AHRR: variants seen among roughly 807,000 people sequenced by gnomAD.
The protein encoded by AHRR is ahR repressor.
AHRR carries 28 observed loss-of-function variants against 44.0 expected under a neutral mutation model. That is an observed-to-expected ratio of 0.64 (90% confidence interval 0.47 to 0.87). The LOEUF is 0.87. AHRR is among the 40% of genes least tolerant of loss of function. The pLI, the probability that AHRR is intolerant of heterozygous loss-of-function variation, is 0.00. For missense variants in AHRR, 990 were observed against 953.9 expected (o/e 1.04, Z -0.50); for synonymous variants, 434 against 407.0 (o/e 1.07, Z -0.80).
intron 3 of AHRR, among the ~76,000 whole-genome samples, chr5:371,124 G>A (rs888098952): frequency 6.6e-6 from 1 of 152,198 alleles, no homozygotes; most frequent in African/African-American, 2.4e-5. Flanking sequence ...GAGATGAGCT[G>A]ATCTGGCTCA....
At chr5:334,536 G>T (rs13181665) in intron 1 of AHRR, among the ~76,000 whole-genome samples, 57,680 of 151,002 alleles carry the variant, frequency 0.38, 12,572 homozygotes, top group South Asian at 0.51. Context: ...TGTATTTCTG[G>T]TTTTTTTTAA....
intron 4 of AHRR, among the ~76,000 whole-genome samples, chr5:397,935 CCT>C (rs1308342904): frequency 7.5e-6 from 1 of 133,788 alleles, no homozygotes; most frequent in Non-Finnish European, 1.6e-5. Flanking sequence ...CCACGTAGCC[CCT>C]GACCATCCAC....
At position 435,775 on chromosome 5, in the gene AHRR, G is replaced by T. The variant is rs755181834; in HGVS notation, c.*941G>T. ...GGCTGTACAGTTCACTCAAATGAGG[G>T]TTCCCATTGCCATCCTAGGAGAATA... On this transcript the variant is annotated 3_prime_UTR_variant, in exon 11 of 11. Coordinates refer to ENST00000684583, the MANE Select transcript of AHRR (RefSeq NM_001377236.1). 3 of 152,702 alleles carry T rather than the reference G, an allele frequency of 2.0e-5. No homozygotes were observed. Among genetic ancestry groups the T allele is most frequent in the South Asian group, 4.1e-4 (2 of 4,822 alleles). 9.5% of individuals were successfully genotyped at this position (152,702 alleles called of 1,614,324 possible).
chr5:416,862 C>T (rs1184940925), intron 5 of AHRR, among the ~76,000 whole-genome samples: 3 of 152,198 alleles, frequency 2.0e-5, no homozygotes, highest in Non-Finnish European at 1.5e-5. Context: ...TCTTTTTGTG[C>T]AGGGCCCATG....
chr5:436,625 G>A lies in AHRR; in HGVS notation c.*1791G>A, dbSNP rs1052240981. 1.3e-5 allele frequency: 2 copies of A among 152,468 alleles called. No individual in the cohort carries two copies. The highest frequency in any genetic ancestry group is 2.4e-5 in the African/African-American group (1 of 41,450). The allele number at this position is 152,468 out of a possible 1,614,324, so 9.4% of individuals were successfully genotyped here. On this transcript the variant is annotated 3_prime_UTR_variant, in exon 11 of 11. Transcript: ENST00000684583. ...CTATGACCCCCAAGCCCTACCGAGGGGGCACTCACTCTCTGCTTAGCCAGG... is the reference window on the plus strand; with the variant it reads ...CTATGACCCCCAAGCCCTACCGAGGAGGCACTCACTCTCTGCTTAGCCAGG...
At chr5:374,513 A>G (rs566040756) in intron 3 of AHRR, among the ~76,000 whole-genome samples, 4 of 152,172 alleles carry the variant, frequency 2.6e-5, no homozygotes, top group Admixed American at 2.0e-4. Context: ...ACCTCGGTGG[A>G]CTGTTCATGC....
At chr5:426,817 G>A (rs998819995) in intron 7 of AHRR, among the ~76,000 whole-genome samples, 7 of 149,186 alleles carry the variant, frequency 4.7e-5, no homozygotes, top group African/African-American at 1.5e-4. Flanking sequence ...TGGATAGATG[G>A]GAATATGATG....
At chr5:328,806 A>T (rs1741816129) in intron 1 of AHRR, among the ~76,000 whole-genome samples, 1 of 152,160 alleles carries the variant, frequency 6.6e-6, no homozygotes, top group South Asian at 2.1e-4. Context: ...CTGTTGGATG[A>T]ATAGTTTGCA....
rs569729548 is a variant in AHRR, at chr5:370,123, C to T, written c.245-6487C>T. 4.9e-4 allele frequency among the ~76,000 whole-genome samples: 73 copies of T among 148,666 alleles called. No homozygotes were observed. Among genetic ancestry groups the T allele is most frequent in the Admixed American group, 1.6e-3 (24 of 14,972 alleles). ...CCGGGCCCTCGCTGGAAGCCCCGTC[C>T]TCCCGGGCCCTCGCTGGTGCCCCGT... On this transcript the variant is annotated intron_variant, in intron 3 of 10. Coordinates refer to ENST00000684583, the MANE Select transcript of AHRR (RefSeq NM_001377236.1). This position sits in a 1 kb window ranked among gnomAD's most constrained non-coding sequence, Gnocchi z 4.5.
intron 4 of AHRR, among the ~76,000 whole-genome samples, chr5:401,654 G>A (rs915484258): frequency 6.6e-6 from 1 of 152,196 alleles, no homozygotes; most frequent in Non-Finnish European, 1.5e-5. Context: ...TGGCACCATC[G>A]TTCCACAGGA....
At chr5:416,283 C>A (rs1172044765) in intron 5 of AHRR, among the ~76,000 whole-genome samples, 1 of 152,248 alleles carries the variant, frequency 6.6e-6, no homozygotes, top group African/African-American at 2.4e-5. Context: ...CAGCAGCGAC[C>A]TTGATGGCTC....
intron 5 of AHRR, among the ~76,000 whole-genome samples, chr5:421,624 C>T (rs538166140): frequency 3.9e-5 from 6 of 152,192 alleles, no homozygotes; most frequent in Non-Finnish European, 8.8e-5. Context: ...CTGGCGCCGC[C>T]CTTTTCACCT....
chr5:431,768 G>T (rs1736745170), intron 8 of AHRR, among the ~76,000 whole-genome samples: 1 of 152,170 alleles, frequency 6.6e-6, no homozygotes, highest in Non-Finnish European at 1.5e-5. Flanking sequence ...GGACCCCCAT[G>T]TCAACACACC....
intron 1 of AHRR, among the ~76,000 whole-genome samples, chr5:332,164 A>T (rs960354995): frequency 6.6e-6 from 1 of 151,998 alleles, no homozygotes; most frequent in Admixed American, 6.6e-5. Context: ...TTGAGAAGAT[A>T]CTTAATATAA....
rs559319327 is a variant in AHRR, at chr5:385,176, G to GT, written c.351+8471dup. Reference sequence around the variant, plus strand: ...GCTGGTGATGTGTCTTTTATTTATCGTTTTTTTTTTTCTTTTGAGACAGGG... The same window carrying GT: ...GCTGGTGATGTGTCTTTTATTTATCGTTTTTTTTTTTTCTTTTGAGACAGGG... On this transcript the variant is annotated intron_variant, in intron 4 of 10. Coordinates refer to ENST00000684583, the MANE Select transcript of AHRR (RefSeq NM_001377236.1). 2.4e-3 allele frequency among the ~76,000 whole-genome samples: 358 copies of GT among 147,168 alleles called. 2 individuals are homozygous for GT. Among genetic ancestry groups the GT allele is most frequent in the African/African-American group, 6.7e-3 (270 of 40,388 alleles).
chr5:400,814 T>A (rs977374504), intron 4 of AHRR, among the ~76,000 whole-genome samples: 3 of 152,272 alleles, frequency 2.0e-5, no homozygotes, highest in Non-Finnish European at 4.4e-5. Flanking sequence ...AAATCTTTTT[T>A]AAGAAGACAT....
chr5:414,046 C>T (rs969444811), intron 5 of AHRR, among the ~76,000 whole-genome samples: 5 of 152,150 alleles, frequency 3.3e-5, no homozygotes, highest in African/African-American at 9.7e-5. Flanking sequence ...GGGTGGATCA[C>T]GAGGTCAGGA....
chr5:428,341 G>A (rs940064642), intron 8 of AHRR, among the ~76,000 whole-genome samples: 4 of 152,170 alleles, frequency 2.6e-5, no homozygotes, highest in Non-Finnish European at 5.9e-5. Flanking sequence ...CCATCTCTTG[G>A]CTGCCCGCCC....
At chr5:427,351 A>T (rs11746538) in intron 7 of AHRR, among the ~76,000 whole-genome samples, 1 of 152,180 alleles carries the variant, frequency 6.6e-6, no homozygotes, top group Non-Finnish European at 1.5e-5. Flanking sequence ...TAAATTTCAT[A>T]ATTACAAATG....
Sources: allele counts gnomAD v4.1 joint callset (sites outside exome capture counted in the v4.1 genomes callset), GRCh38; gene constraint gnomAD v4.1.1; non-coding constraint Gnocchi (gnomAD v3.1); transcripts MANE v1.5; gene names NCBI Gene and HGNC (gene_info 2026-07-23, HGNC 2026-07-21).